The following DNAAF1 variants were observed in gnomAD, a reference collection of about 807,000 sequenced individuals.
The protein encoded by DNAAF1 is dynein axonemal assembly factor 1, also known as dynein assembly factor 1, axonemal.
A neutral mutation model predicts 71.1 loss-of-function variants in DNAAF1; 65 were observed. The observed-to-expected ratio is 0.91, with a 90% confidence interval of 0.75 to 1.12. The LOEUF (loss-of-function observed/expected upper bound fraction) is 1.12, where lower values mean the gene tolerates loss of function less well. DNAAF1 is among the 50% of genes most tolerant of loss of function. The probability of loss-of-function intolerance (pLI) is 0.00; values close to 1 mark genes in which losing one functional copy is unlikely to be tolerated. For synonymous variants in DNAAF1, 414 were observed against 354.6 expected (o/e 1.17, Z -1.88); for missense variants, 1,178 against 899.8 (o/e 1.31, Z -3.96).
At chr16:84,177,039 G>T in intron 11 of DNAAF1, 1 of 166,972 alleles carries the variant, frequency 6.0e-6, no homozygotes, top group Non-Finnish European at 1.3e-5. Context: ...GGGCTGTGTG[G>T]AGCCCAGACC....
At chr16:84,175,015 C>G (rs765087271) in intron 10 of DNAAF1, among the ~76,000 whole-genome samples, 2 of 152,208 alleles carry the variant, frequency 1.3e-5, no homozygotes, top group Non-Finnish European at 2.9e-5. Flanking sequence ...GCCACCACGC[C>G]CAGCTAATTT....
At chr16:84,177,611 G>A (rs1387259468) in intron 11 of DNAAF1, 118 bp from the exon 12 acceptor site, 7 of 842,862 alleles carry the variant, frequency 8.3e-6, no homozygotes, top group Admixed American at 1.7e-5. Flanking sequence ...TTACAGGTAT[G>A]AGCCACCACG....
Position 84,172,505 on chromosome 16 carries a change from G to T in DNAAF1, c.1644+130G>T, listed in dbSNP as rs1188877272. 7 of 1,509,774 alleles carry T rather than the reference G, an allele frequency of 4.6e-6. No homozygotes were observed. In the Admixed American group the frequency reaches 1.2e-4, roughly 26 times the overall value. 93.5% of individuals were successfully genotyped at this position (1,509,774 alleles called of 1,614,324 possible). On this transcript the variant is annotated intron_variant, in intron 9 of 11. Coordinates refer to ENST00000378553, the MANE Select transcript of DNAAF1 (RefSeq NM_178452.6). ...TTGGGCCGGCAGGCCTGGCATTTCT[G>T]GGGCGCTGGTTAGAAATGCAGACTC...
rs1003734909 is a variant in DNAAF1 at position 84,175,449 on chromosome 16, G to C, written c.1699-484G>C. On this transcript the variant is annotated intron_variant, in intron 10 of 11. Transcript: ENST00000378553. ...GAGTGACGTGACCCTACTCCACCCA[G>C]AGGCCATTACTGGCATTACCAGGAG... 4 of 198,084 alleles carry C rather than the reference G, an allele frequency of 2.0e-5. No individual in the cohort carries two copies. The Admixed American group carries it at 2.1e-4, about 11-fold the overall frequency. 12.3% of individuals were successfully genotyped at this position (198,084 alleles called of 1,614,324 possible). A position where few individuals can be genotyped will look rare whatever the true frequency, so the allele number is the denominator to read the frequency against.
chr16:84,150,158 T>A, intron 2 of DNAAF1, 93 bp from the exon 3 acceptor site: 1 of 895,692 alleles, frequency 1.1e-6, no homozygotes, highest in Non-Finnish European at 1.9e-6. Context: ...TTATAGAATT[T>A]TGGGCAGGAA....
chr16:84,164,827 G>A (rs1162228714), intron 6 of DNAAF1, among the ~76,000 whole-genome samples: 6 of 152,108 alleles, frequency 3.9e-5, no homozygotes, highest in African/African-American at 1.4e-4. Context: ...TTTTAGTCCC[G>A]TAAGAATCCG....
intron 3 of DNAAF1, among the ~76,000 whole-genome samples, chr16:84,150,730 TCAGC>T (rs2087144721): frequency 6.6e-6 from 1 of 150,386 alleles, no homozygotes; most frequent in South Asian, 2.1e-4. Context: ...TTCTCCTACC[TCAGC>T]CTCCTGAGTA....
chr16:84,169,500 G>C (rs2088208255), intron 7 of DNAAF1, among the ~76,000 whole-genome samples: 1 of 151,588 alleles, frequency 6.6e-6, no homozygotes, highest in Admixed American at 6.6e-5. Flanking sequence ...GCTCACTGCA[G>C]CCTCCACCTC....
At chr16:84,147,196 A>C (rs2086956480) in intron 1 of DNAAF1, among the ~76,000 whole-genome samples, 1 of 152,226 alleles carries the variant, frequency 6.6e-6, no homozygotes, top group Non-Finnish European at 1.5e-5. Context: ...TCTTGTTATT[A>C]ATTACATATT....
At chr16:84,146,347 G>A (rs2086906848) in intron 1 of DNAAF1, among the ~76,000 whole-genome samples, 1 of 152,210 alleles carries the variant, frequency 6.6e-6, no homozygotes, top group Non-Finnish European at 1.5e-5. Context: ...ACCTAGGGTA[G>A]AGAGTCCGAA....
At chr16:84,152,079 T>A (rs1417783573) in intron 3 of DNAAF1, among the ~76,000 whole-genome samples, 1 of 152,114 alleles carries the variant, frequency 6.6e-6, no homozygotes, top group Non-Finnish European at 1.5e-5. Flanking sequence ...CCAGATGCCT[T>A]GGAATGGTCA....
chr16:84,155,458 G>A lies in DNAAF1; in HGVS notation c.575-125G>A. Reference sequence around the variant, plus strand: ...TGCCCAGGCTGGTCTCAAACCTCCTGGGCTCGAAAGATTCTCCCGCTTTAG... The same window carrying A: ...TGCCCAGGCTGGTCTCAAACCTCCTAGGCTCGAAAGATTCTCCCGCTTTAG... On this transcript the variant is annotated intron_variant, in intron 4 of 11. Transcript: ENST00000378553. 5.4e-6 allele frequency: 6 copies of A among 1,117,670 alleles called. 1 individual carries two copies. The highest frequency in any genetic ancestry group is 3.7e-5 in the South Asian group (3 of 80,028). 69.2% of individuals were successfully genotyped at this position (1,117,670 alleles called of 1,614,324 possible).
At chr16:84,162,632 A>T (rs1423090539) in intron 6 of DNAAF1, among the ~76,000 whole-genome samples, 3 of 152,008 alleles carry the variant, frequency 2.0e-5, no homozygotes, top group Non-Finnish European at 2.9e-5. Flanking sequence ...CATCCTGGCC[A>T]ACACGGTGAA....
intron 3 of DNAAF1, among the ~76,000 whole-genome samples, chr16:84,152,952 A>G (rs1415818119): frequency 2.1e-5 from 3 of 145,424 alleles, no homozygotes; most frequent in Admixed American, 6.7e-5. Flanking sequence ...GCCAGACTCC[A>G]TCTGAAAAAA....
chr16:84,166,370 CTTTTTTT>C lies in DNAAF1; in HGVS notation c.1030+435_1030+441del, dbSNP rs535417461. Among the ~76,000 whole-genome samples the C allele has an allele frequency of 1.5e-3, 175 of 118,824 alleles. 1 individual carries two copies. The highest frequency in any genetic ancestry group is 4.6e-3 in the South Asian group (19 of 4,090). 78.0% of individuals were successfully genotyped at this position (118,824 alleles called of 152,430 possible). On this transcript the variant is annotated intron_variant, in intron 7 of 11. Transcript: ENST00000378553. ...GCCCAGCCTTGGATTTTCTTTTTTT[CTTTTTTT>C]TTTTTTTTTTTTTGGTTGGGACAGG... is the stretch of plus-strand genomic sequence containing the variant.
At position 84,165,964 on chromosome 16, in the gene DNAAF1, G is replaced by A. The variant is rs774316277; in HGVS notation, c.1030+15G>A. On this transcript the variant is annotated intron_variant, in intron 7 of 11. Coordinates refer to ENST00000378553, the MANE Select transcript of DNAAF1 (RefSeq NM_178452.6). ...TCAAGAGAGAGGTATGCGCTCGGCC[G>A]AAGACAACAGCCCCAGAGTTCCTTT... 2.1e-5 allele frequency: 34 copies of A among 1,609,912 alleles called. No individual in the cohort carries two copies. Among genetic ancestry groups the A allele is most frequent in the Admixed American group, 1.5e-4 (9 of 59,794 alleles).
At chr16:84,155,870 T>G in intron 5 of DNAAF1, 121 bp downstream of exon 5, 1 of 1,287,886 alleles carries the variant, frequency 7.8e-7, no homozygotes, top group East Asian at 2.5e-5. Flanking sequence ...TTTTTCACAC[T>G]TTTTTCCTCT....
chr16:84,173,683 A>C, intron 9 of DNAAF1: 1 of 244,126 alleles, frequency 4.1e-6, no homozygotes, highest in Non-Finnish European at 6.6e-6. Flanking sequence ...AAAATACAAA[A>C]ACATAAAAAA....
chr16:84,161,445 G>A (rs891312949), intron 6 of DNAAF1, among the ~76,000 whole-genome samples: 1 of 152,168 alleles, frequency 6.6e-6, no homozygotes, highest in African/African-American at 2.4e-5. Context: ...GAGTGCAGTG[G>A]TGCAATCACT....
Sources: gnomAD v4.1 joint callset for allele counts (sites outside exome capture counted in the v4.1 genomes callset) on GRCh38, gnomAD v4.1.1 for gene constraint, MANE v1.5 for transcripts, NCBI Gene and HGNC (gene_info 2026-07-23, HGNC 2026-07-21) for gene names.